The following OLFM3 variants were observed in gnomAD, a reference collection of about 807,000 sequenced individuals.
OLFM3 encodes the protein noelin-3.
OLFM3 carries 20 observed loss-of-function variants against 48.6 expected under a neutral mutation model. The ratio of observed to expected loss-of-function variants is 0.41; its 90% CI spans 0.29 to 0.60. OLFM3 has a LOEUF of 0.60. Among genes scored for constraint, OLFM3 ranks in the 20% least tolerant of loss-of-function variants. The probability of loss-of-function intolerance (pLI) is 0.28; values close to 1 mark genes in which losing one functional copy is unlikely to be tolerated. For synonymous variants in OLFM3, 222 were observed against 198.1 expected (o/e 1.12, Z -1.01); for missense variants, 437 against 544.3 (o/e 0.80, Z 1.96).
chr1:101,948,547 TA>T (rs1660027997), intron 1 of OLFM3, among the ~76,000 whole-genome samples: 1 of 152,146 alleles, frequency 6.6e-6, no homozygotes, highest in African/African-American at 2.4e-5. Context: ...TAGTGCTAAA[TA>T]AATGTTATTT....
intron 1 of OLFM3, among the ~76,000 whole-genome samples, chr1:101,925,325 G>GT (rs911553018): frequency 2.1e-4 from 31 of 151,030 alleles, no homozygotes; most frequent in East Asian, 1.2e-3. Flanking sequence ...TTACATTGGC[G>GT]TTTTTTTTAA....
chr1:101,803,728 G>C lies in OLFM3; in HGVS notation c.*510C>G, dbSNP rs1223346695. On this transcript the variant is annotated 3_prime_UTR_variant, in exon 6 of 6. Transcript: ENST00000370103. ...AATGACTGTACAGCACCGCATCAGA[G>C]AATTGTGTTAACAGCAAAATGATTA... 1 of 152,472 alleles carries C rather than the reference G, an allele frequency of 6.6e-6. No individual in the cohort carries two copies. Among genetic ancestry groups the C allele is most frequent in the African/African-American group, 2.4e-5 (1 of 41,382 alleles). The allele number at this position is 152,472 out of a possible 1,614,324, so 9.4% of individuals were successfully genotyped here.
At chr1:101,897,578 T>C (rs1290178008) in intron 1 of OLFM3, among the ~76,000 whole-genome samples, 1 of 152,168 alleles carries the variant, frequency 6.6e-6, no homozygotes, top group Non-Finnish European at 1.5e-5. Context: ...AGAGTGCATA[T>C]TTTTTAAAAA....
chr1:101,807,837 A>G (rs1410618088), intron 4 of OLFM3, among the ~76,000 whole-genome samples: 1 of 151,782 alleles, frequency 6.6e-6, no homozygotes, highest in South Asian at 2.1e-4. Flanking sequence ...GACATTATCT[A>G]TGGAATTGCA....
chr1:101,963,787 C>T, intron 1 of OLFM3, among the ~76,000 whole-genome samples: 1 of 152,104 alleles, frequency 6.6e-6, no homozygotes, highest in Non-Finnish European at 1.5e-5. Context: ...TGGAAATCTA[C>T]CCCATTATCT....
intron 1 of OLFM3, among the ~76,000 whole-genome samples, chr1:101,883,167 T>C (rs1657603046): frequency 6.6e-6 from 1 of 151,718 alleles, no homozygotes; most frequent in Non-Finnish European, 1.5e-5. Flanking sequence ...TCCAGTGAAA[T>C]AGAAGATGAA....
intron 1 of OLFM3, among the ~76,000 whole-genome samples, chr1:101,852,532 G>A (rs1320217380): frequency 2.6e-5 from 4 of 151,974 alleles, no homozygotes; most frequent in Non-Finnish European, 2.9e-5. Context: ...ATATGCTAAT[G>A]ATTCCCAAAT....
chr1:101,862,051 G>T (rs914412730), intron 1 of OLFM3, among the ~76,000 whole-genome samples: 2 of 152,200 alleles, frequency 1.3e-5, no homozygotes, highest in African/African-American at 2.4e-5. Flanking sequence ...AATGAGCAAT[G>T]CTCAAAGTAA....
At chr1:101,979,351 G>A (rs541009362) in intron 1 of OLFM3, among the ~76,000 whole-genome samples, 112 of 152,150 alleles carry the variant, frequency 7.4e-4, no homozygotes, top group Middle Eastern at 3.4e-3. Flanking sequence ...ATCTCACCTC[G>A]AATTGTAATT....
chr1:101,858,284 A>G (rs1013844877), intron 1 of OLFM3, among the ~76,000 whole-genome samples: 12 of 152,114 alleles, frequency 7.9e-5, no homozygotes, highest in African/African-American at 2.9e-4. Flanking sequence ...TTGAGGAGCA[A>G]GGTCTGTTTC....
chr1:101,840,282 G>A lies in OLFM3; in HGVS notation c.70-3257C>T, dbSNP rs17125564. On this transcript the variant is annotated intron_variant, in intron 1 of 5. Coordinates refer to ENST00000370103, the MANE Select transcript of OLFM3 (RefSeq NM_058170.4). ...GCAGTTCATATGTGCTATTGCTTTC[G>A]AATATTATAATACACCTATGGACTA... Among the ~76,000 whole-genome samples, 141 of 152,152 alleles carry A rather than the reference G, an allele frequency of 9.3e-4. 5 individuals are homozygous for A. In the East Asian group the frequency reaches 0.025, roughly 27 times the overall value.
intron 1 of OLFM3, among the ~76,000 whole-genome samples, chr1:101,909,053 C>A (rs1249692386): frequency 6.6e-6 from 1 of 152,216 alleles, no homozygotes; most frequent in Non-Finnish European, 1.5e-5. Flanking sequence ...GTCCCCCCTT[C>A]ACTTTGCTTA....
At position 101,853,772 on chromosome 1, in the gene OLFM3, A is replaced by T. The variant is rs902436412; in HGVS notation, c.70-16747T>A. ...TATTGTGTTTTGCATGTATGTTTTT[A>T]TGTGTGCATGATGGACCTATACGTG... On this transcript the variant is annotated intron_variant, in intron 1 of 5. Transcript: ENST00000370103. Among the ~76,000 whole-genome samples, 3 of 152,064 alleles carry T rather than the reference A, an allele frequency of 2.0e-5. No individual in the cohort carries two copies. In the South Asian group the frequency reaches 6.2e-4, roughly 32 times the overall value.
At chr1:101,901,623 G>A (rs890390160) in intron 1 of OLFM3, among the ~76,000 whole-genome samples, 1 of 151,998 alleles carries the variant, frequency 6.6e-6, no homozygotes, top group Admixed American at 6.6e-5. Context: ...GTCCAGCAAG[G>A]ACTAATAAGA....
At chr1:101,898,835 C>T (rs982198515) in intron 1 of OLFM3, among the ~76,000 whole-genome samples, 4 of 151,974 alleles carry the variant, frequency 2.6e-5, no homozygotes, top group Non-Finnish European at 4.4e-5. Context: ...AGTGACAGAG[C>T]AAGACTGTGT....
chr1:101,901,404 C>G (rs899012571), intron 1 of OLFM3, among the ~76,000 whole-genome samples: 13 of 151,992 alleles, frequency 8.6e-5, no homozygotes, highest in African/African-American at 3.1e-4. Context: ...ACAATGAGTA[C>G]TGTACATGGG....
At chr1:101,843,504 C>T (rs559985788) in intron 1 of OLFM3, among the ~76,000 whole-genome samples, 1 of 152,072 alleles carries the variant, frequency 6.6e-6, no homozygotes, top group Non-Finnish European at 1.5e-5. Context: ...CTGATGGGCC[C>T]AGTGGATAGA....
intron 1 of OLFM3, among the ~76,000 whole-genome samples, chr1:101,854,358 T>C (rs1005662524): frequency 6.6e-6 from 1 of 151,950 alleles, no homozygotes; most frequent in Non-Finnish European, 1.5e-5. Flanking sequence ...ATGAAAAACA[T>C]TTGCAAAGTT....
chr1:101,825,175 T>G lies in OLFM3; in HGVS notation c.443A>C (p.Lys148Thr). ...PVLEQYKTDAKLITQFKEEIR... is the reference protein window; with the variant it reads ...PVLEQYKTDATLITQFKEEIR... ...TTCCTCCTTGAACTGGGTGATTAAC[T>G]TAGCATCTGTTTTGTACTGTTCCAG... Residue 148 changes from lysine (K) to threonine (T), a missense_variant, in exon 4 of 6, where the codon AAG becomes ACG. Lys to Thr is a moderately conservative substitution (Grantham distance 78). This residue lies in a region of OLFM3 where 314 missense variants were observed against 365.5 expected (regional missense o/e 0.86). Coordinates refer to ENST00000370103, the MANE Select transcript of OLFM3 (RefSeq NM_058170.4). 1.2e-6 allele frequency: 2 copies of G among 1,614,050 alleles called. No individual in the cohort carries two copies. Among genetic ancestry groups the G allele is most frequent in the Non-Finnish European group, 1.7e-6 (2 of 1,179,948 alleles).
Sources: gnomAD v4.1 joint callset for allele counts (sites outside exome capture counted in the v4.1 genomes callset) on GRCh38, gnomAD v4.1.1 for gene constraint, gnomAD v4.1.1 regional missense constraint, MANE v1.5 for transcripts, NCBI Gene and HGNC (gene_info 2026-07-23, HGNC 2026-07-21) for gene names.